The following SHANK2 variants were observed in gnomAD, a reference collection of about 807,000 sequenced individuals.
The protein encoded by SHANK2 is SH3 and multiple ankyrin repeat domains protein 2.
SHANK2 carries 43 observed loss-of-function variants against 133.7 expected under a neutral mutation model. The ratio of observed to expected loss-of-function variants is 0.32; its 90% CI spans 0.25 to 0.41. The LOEUF is 0.41. Among genes scored for constraint, SHANK2 ranks in the 10% least tolerant of loss-of-function variants. SHANK2 has a pLI of 1.00. For missense variants in SHANK2, 1,994 were observed against 2,235.8 expected (o/e 0.89, Z 2.18); for synonymous variants, 1,017 against 952.8 (o/e 1.07, Z -1.24).
chr11:71,131,031 T>A (rs1952293231), intron 3 of SHANK2, among the ~76,000 whole-genome samples: 1 of 152,242 alleles, frequency 6.6e-6, no homozygotes, highest in African/African-American at 2.4e-5. Context: ...TAAGGACCCG[T>A]CATAAACACA....
chr11:71,163,097 C>CATATATATATATATATATATATAT (rs11271716), intron 2 of SHANK2, among the ~76,000 whole-genome samples: 1 of 100,112 alleles, frequency 1.0e-5, no homozygotes, highest in Non-Finnish European at 2.0e-5. Context: ...AAAAAAAATA[C>CATATATATATATATATATATATAT]ATATATATAT....
At chr11:70,665,687 G>C (rs1193554515) in intron 15 of SHANK2, among the ~76,000 whole-genome samples, 1 of 152,144 alleles carries the variant, frequency 6.6e-6, no homozygotes, top group Non-Finnish European at 1.5e-5. Context: ...CCCAGACATT[G>C]ACCACCTTGA....
intron 6 of SHANK2, 147 bp from the exon 7 acceptor site, chr11:71,094,835 C>G: frequency 1.1e-6 from 1 of 915,236 alleles, no homozygotes; most frequent in Non-Finnish European, 1.6e-6. Flanking sequence ...CTGGGAACCC[C>G]AAGAGTCCAG....
intron 11 of SHANK2, among the ~76,000 whole-genome samples, chr11:70,857,525 C>T (rs935844910): frequency 1.3e-5 from 2 of 152,132 alleles, no homozygotes; most frequent in African/African-American, 4.8e-5. Flanking sequence ...CAAGTGGCCT[C>T]ACTTCCTGAT....
At chr11:71,056,294 C>T (rs1214557425) in intron 10 of SHANK2, among the ~76,000 whole-genome samples, 187 bp downstream of exon 10, 3 of 152,210 alleles carry the variant, frequency 2.0e-5, no homozygotes, top group Non-Finnish European at 2.9e-5. Flanking sequence ...TGTGAGCAAG[C>T]ACACTGAGAC....
At position 70,567,434 on chromosome 11, in the gene SHANK2, C is replaced by T. The variant is rs532046297; in HGVS notation, c.2062-64503G>A. ...ACGAGGTCAGGAGTTTGAGACCAGCCTGGCCAAAATGGTGAAATCCCGTCT... is the reference window on the plus strand; with the variant it reads ...ACGAGGTCAGGAGTTTGAGACCAGCTTGGCCAAAATGGTGAAATCCCGTCT... On this transcript the variant is annotated intron_variant, in intron 17 of 25. Transcript: ENST00000601538. Among the ~76,000 whole-genome samples, 172 of 152,166 alleles carry T rather than the reference C, an allele frequency of 1.1e-3. 2 individuals are homozygous for T. The highest frequency in any genetic ancestry group is 7.7e-3 in the South Asian group (37 of 4,810).
At chr11:71,108,586 C>T (rs1951836733) in intron 6 of SHANK2, among the ~76,000 whole-genome samples, 1 of 152,218 alleles carries the variant, frequency 6.6e-6, no homozygotes, top group African/African-American at 2.4e-5. Context: ...ACTGCCCAGA[C>T]CTCCAGCGGA....
intron 11 of SHANK2, among the ~76,000 whole-genome samples, chr11:70,861,635 T>C (rs1949259753): frequency 6.6e-6 from 1 of 152,200 alleles, no homozygotes; most frequent in Non-Finnish European, 1.5e-5. Context: ...TACGAGCCAG[T>C]TAACTCTGTA....
chr11:70,780,178 C>T (rs1344660705), intron 14 of SHANK2, among the ~76,000 whole-genome samples: 2 of 152,286 alleles, frequency 1.3e-5, no homozygotes, highest in Admixed American at 6.5e-5. Context: ...TTAGGCTTCT[C>T]CATTGTGTAC....
At chr11:70,520,459 T>C (rs972655135) in intron 17 of SHANK2, among the ~76,000 whole-genome samples, 1 of 152,170 alleles carries the variant, frequency 6.6e-6, no homozygotes, top group East Asian at 1.9e-4. Flanking sequence ...GAGGTATATA[T>C]GGGTGTTCAG....
In SHANK2 at chr11:70,762,784, C is replaced by T. The variant is rs529133790; in HGVS notation, c.1777+35659G>A. On this transcript the variant is annotated intron_variant, in intron 14 of 25. Coordinates refer to ENST00000601538, the MANE Select transcript of SHANK2 (RefSeq NM_012309.5). ...AGGCAAGAGGTGAGGGGCATTAAGGCCACCTGGCCCTCTACAGCGGCCACC... is the reference window on the plus strand; with the variant it reads ...AGGCAAGAGGTGAGGGGCATTAAGGTCACCTGGCCCTCTACAGCGGCCACC... Among the ~76,000 whole-genome samples, 3 of 152,340 alleles carry T rather than the reference C, an allele frequency of 2.0e-5. No homozygotes were observed. The South Asian group carries it at 6.2e-4, about 32-fold the overall frequency.
intron 12 of SHANK2, among the ~76,000 whole-genome samples, chr11:70,811,782 A>T (rs991633160): frequency 2.0e-5 from 3 of 148,446 alleles, no homozygotes; most frequent in Admixed American, 6.7e-5. Flanking sequence ...CCATCCATCC[A>T]TCATGTATTC....
intron 12 of SHANK2, among the ~76,000 whole-genome samples, chr11:70,808,561 CAA>C (rs57089863): frequency 0.071 from 6,619 of 93,018 alleles, 121 homozygotes; most frequent in South Asian, 0.18. Flanking sequence ...CCTATTTCTA[CAA>C]AAAAAAAAAA....
At chr11:71,076,102 C>T (rs956174877) in intron 8 of SHANK2, among the ~76,000 whole-genome samples, 3 of 152,154 alleles carry the variant, frequency 2.0e-5, no homozygotes, top group Non-Finnish European at 4.4e-5. Context: ...CAGTGATGCC[C>T]CTCCCCACCC....
chr11:70,529,504 C>G (rs1213966553), intron 17 of SHANK2, among the ~76,000 whole-genome samples: 3 of 152,234 alleles, frequency 2.0e-5, no homozygotes, highest in Non-Finnish European at 4.4e-5. Context: ...TTAGAATAGC[C>G]TAGAAGGTCC....
At chr11:70,655,768 G>A (rs538170851) in intron 17 of SHANK2, among the ~76,000 whole-genome samples, 24 of 152,256 alleles carry the variant, frequency 1.6e-4, no homozygotes, top group African/African-American at 5.1e-4. Context: ...TGTTTGGGTC[G>A]AGGAGACTTT....
Position 70,485,385 on chromosome 11 carries a change from T to C in SHANK2, c.4908A>G (p.Arg1636=), listed in dbSNP as rs912552740. 6 of 1,614,032 alleles carry C rather than the reference T, an allele frequency of 3.7e-6. No homozygotes were observed. The highest frequency in any genetic ancestry group is 5.1e-6 in the Non-Finnish European group (6 of 1,180,032). The change falls in exon 25 of 26, where the codon CGA becomes CGG. Residue 1636 remains arginine (R), a synonymous_variant. Coordinates refer to ENST00000601538, the MANE Select transcript of SHANK2 (RefSeq NM_012309.5). This position sits in a 1 kb window ranked among gnomAD's most constrained non-coding sequence, Gnocchi z 5.8. The stretch of plus-strand genomic sequence containing the variant: ...CTTCCCCCGGCTTTGCCAATTTCTC[T>C]CGGTTCATTTGCTGTAGGATAGAGT... ...ELNSILQQMN[R]EKLAKPGEGL...
chr11:70,561,991 G>A (rs974353021), intron 17 of SHANK2, among the ~76,000 whole-genome samples: 9 of 152,094 alleles, frequency 5.9e-5, no homozygotes, highest in Non-Finnish European at 1.0e-4. Context: ...TTGATATGTT[G>A]TACTTTCATT....
intron 15 of SHANK2, among the ~76,000 whole-genome samples, chr11:70,691,488 A>C (rs1555021034): frequency 1.3e-5 from 2 of 152,168 alleles, no homozygotes; most frequent in African/African-American, 4.8e-5. Flanking sequence ...GGAGAGCGCA[A>C]AGGAAGAGCT....
Sources: allele counts gnomAD v4.1 joint callset (sites outside exome capture counted in the v4.1 genomes callset), GRCh38; gene constraint gnomAD v4.1.1; non-coding constraint Gnocchi (gnomAD v3.1); transcripts MANE v1.5; gene names NCBI Gene and HGNC (gene_info 2026-07-23, HGNC 2026-07-21).